NLGN1: variants seen among roughly 807,000 people sequenced by gnomAD.
NLGN1 encodes neuroligin-1.
In NLGN1, 12 loss-of-function variants were observed where a neutral mutation model predicts 65.5. The observed-to-expected ratio is 0.18, with a 90% CI of 0.12 to 0.30. The LOEUF (loss-of-function observed/expected upper bound fraction) is 0.30, where lower values mean the gene tolerates loss of function less well. Ranked by LOEUF, NLGN1 falls within the 10% of genes least tolerant of loss-of-function variation. NLGN1 has a pLI of 1.00. For missense variants in NLGN1, 750 were observed against 1,007.1 expected (o/e 0.74, Z 3.46); for synonymous variants, 350 against 359.5 (o/e 0.97, Z 0.30).
At chr3:173,529,419 G>T (rs1260644926) in intron 2 of NLGN1, among the ~76,000 whole-genome samples, 1 of 152,204 alleles carries the variant, frequency 6.6e-6, no homozygotes, top group East Asian at 1.9e-4. Context: ...GGGCCACCTG[G>T]CTTGCCCATG....
In NLGN1 at chr3:173,519,421, C is replaced by T. The variant is rs545061980; in HGVS notation, c.-321+84343C>T. 8.5e-5 allele frequency among the ~76,000 whole-genome samples: 13 copies of T among 152,354 alleles called. No homozygotes were observed. In the East Asian group the frequency reaches 1.9e-3, roughly 23 times the overall value. ...ACCATGAACCTAGAAAAGCTGCAGG[C>T]CCTGAACACTAGCCCTTGAGAGCAG... On this transcript the variant is annotated intron_variant, in intron 2 of 6. Coordinates refer to ENST00000457714, the Ensembl canonical transcript of NLGN1.
At chr3:173,778,073 G>T (rs79640017) in intron 3 of NLGN1, among the ~76,000 whole-genome samples, 2 of 151,548 alleles carry the variant, frequency 1.3e-5, no homozygotes, top group Non-Finnish European at 3.0e-5. Context: ...GTTCATCCTT[G>T]GTACCTGCAA....
chr3:173,680,369 G>T (rs1055568238), intron 3 of NLGN1, among the ~76,000 whole-genome samples: 2 of 152,086 alleles, frequency 1.3e-5, no homozygotes, highest in Non-Finnish European at 2.9e-5. Context: ...GGAATGATCA[G>T]AAATGTACTT....
intron 2 of NLGN1, among the ~76,000 whole-genome samples, chr3:173,534,866 C>T (rs950766038): frequency 3.9e-5 from 6 of 152,198 alleles, no homozygotes; most frequent in African/African-American, 1.4e-4. Context: ...CCCCCTGCAA[C>T]ATTCAACATA....
At chr3:173,881,307 C>T (rs961720628) in intron 4 of NLGN1, among the ~76,000 whole-genome samples, 1 of 151,388 alleles carries the variant, frequency 6.6e-6, no homozygotes, top group African/African-American at 2.4e-5. Flanking sequence ...CCATGTTGGC[C>T]AAGATGTTCT....
At chr3:174,208,949 G>A (rs902807045) in intron 4 of NLGN1, among the ~76,000 whole-genome samples, 1 of 151,868 alleles carries the variant, frequency 6.6e-6, no homozygotes, top group Non-Finnish European at 1.5e-5. Flanking sequence ...TTTTAGACAG[G>A]GTCTGGTTCT....
intron 4 of NLGN1, among the ~76,000 whole-genome samples, chr3:173,811,191 C>A (rs1218028523): frequency 3.3e-5 from 5 of 152,100 alleles, no homozygotes; most frequent in Admixed American, 6.5e-5. Context: ...GTTACATAGT[C>A]CTTATATATG....
chr3:174,154,814 T>C (rs1057004330), intron 4 of NLGN1, among the ~76,000 whole-genome samples: 1 of 63,746 alleles, frequency 1.6e-5, no homozygotes, highest in Non-Finnish European at 2.6e-5. Context: ...GATAAAGATA[T>C]TGTAGATAGA....
intron 3 of NLGN1, among the ~76,000 whole-genome samples, chr3:173,649,383 T>C (rs1758780585): frequency 6.6e-6 from 1 of 152,130 alleles, no homozygotes; most frequent in African/African-American, 2.4e-5. Flanking sequence ...ACAAGTTACA[T>C]GTCTATGTAA....
At chr3:174,116,970 G>T (rs915103296) in intron 4 of NLGN1, among the ~76,000 whole-genome samples, 1 of 151,888 alleles carries the variant, frequency 6.6e-6, no homozygotes, top group African/African-American at 2.4e-5. Context: ...AATACATAGG[G>T]TTCAAAGCAT....
chr3:173,863,419 G>A (rs956745594), intron 4 of NLGN1, among the ~76,000 whole-genome samples: 9 of 151,918 alleles, frequency 5.9e-5, no homozygotes, highest in African/African-American at 2.2e-4. Context: ...CTTACTTTAG[G>A]TTTCTGAATG....
At chr3:174,065,039 A>C (rs1738225200) in intron 4 of NLGN1, among the ~76,000 whole-genome samples, 1 of 151,890 alleles carries the variant, frequency 6.6e-6, no homozygotes, top group East Asian at 1.9e-4. Flanking sequence ...TATAATCCTT[A>C]AATTAAAAAG....
intron 4 of NLGN1, among the ~76,000 whole-genome samples, chr3:173,840,623 T>G (rs2150671153): frequency 6.6e-6 from 1 of 152,268 alleles, no homozygotes; most frequent in African/African-American, 2.4e-5. Flanking sequence ...TCAAACAACA[T>G]ATTTTTATCT....
chr3:173,460,102 G>C (rs568023200), intron 2 of NLGN1, among the ~76,000 whole-genome samples: 1 of 151,800 alleles, frequency 6.6e-6, no homozygotes, highest in African/African-American at 2.4e-5. Context: ...TACTAATGTA[G>C]GCCTGGTACT....
At position 173,910,231 on chromosome 3, in the gene NLGN1, C is replaced by T. The variant is rs138969252; in HGVS notation, c.646+102399C>T. Among the ~76,000 whole-genome samples the T allele has an allele frequency of 1.5e-4, 23 of 152,300 alleles. No individual in the cohort carries two copies. In the East Asian group the frequency reaches 3.7e-3, roughly 24 times the overall value. On this transcript the variant is annotated intron_variant, in intron 4 of 6. Coordinates refer to ENST00000457714, the Ensembl canonical transcript of NLGN1. The stretch of plus-strand genomic sequence containing the variant: ...CCTGCTAAAAATGCAGATTCTGCTT[C>T]ATCAGAACTGGGATGGGGCTTCAGA...
chr3:173,428,532 A>G (rs1448631770), intron 1 of NLGN1, among the ~76,000 whole-genome samples: 2 of 151,322 alleles, frequency 1.3e-5, no homozygotes, highest in African/African-American at 4.9e-5. Context: ...CTTTGACTCA[A>G]ATAAAAGAAA....
At chr3:173,934,053 G>A (rs1037894260) in intron 4 of NLGN1, among the ~76,000 whole-genome samples, 1 of 151,678 alleles carries the variant, frequency 6.6e-6, no homozygotes, top group African/African-American at 2.4e-5. Flanking sequence ...AAAAGACACT[G>A]TATTGCTTTG....
intron 2 of NLGN1, among the ~76,000 whole-genome samples, chr3:173,539,198 T>A (rs1174013390): frequency 6.6e-6 from 1 of 151,854 alleles, no homozygotes; most frequent in African/African-American, 2.4e-5. Context: ...CATCTGTAAA[T>A]CATACCTAGC....
intron 4 of NLGN1, among the ~76,000 whole-genome samples, chr3:174,072,601 A>G (rs1366415424): frequency 6.6e-6 from 1 of 152,154 alleles, no homozygotes; most frequent in Admixed American, 6.6e-5. Context: ...AGCAACGGGA[A>G]TGTGAGGGCA....
Sources: gnomAD v4.1 joint callset for allele counts (sites outside exome capture counted in the v4.1 genomes callset) on GRCh38, gnomAD v4.1.1 for gene constraint, MANE v1.5 for transcripts, NCBI Gene and HGNC (gene_info 2026-07-23, HGNC 2026-07-21) for gene names.